Variants in ECM2 observed in about 807,000 individuals in gnomAD.
The protein encoded by ECM2 is extracellular matrix protein 2.
A neutral mutation model predicts 67.5 loss-of-function variants in ECM2; 57 were observed. The ratio of observed to expected loss-of-function variants is 0.84; its 90% confidence interval spans 0.68 to 1.05. The LOEUF is 1.05. ECM2 is among the 50% of genes least tolerant of loss of function. ECM2 has a pLI of 0.00. For synonymous variants in ECM2, 258 were observed against 294.5 expected (o/e 0.88, Z 1.27); for missense variants, 741 against 822.8 (o/e 0.90, Z 1.22).
intron 5 of ECM2, among the ~76,000 whole-genome samples, chr9:92,510,840 TAGA>T (rs375743281): frequency 6.8e-4 from 104 of 152,318 alleles, no homozygotes; most frequent in African/African-American, 2.4e-3. Flanking sequence ...AGCCATTTTC[TAGA>T]AGAAGGATGG....
intron 2 of ECM2, among the ~76,000 whole-genome samples, chr9:92,519,521 T>C (rs1164842216): frequency 6.6e-6 from 1 of 152,148 alleles, no homozygotes; most frequent in Non-Finnish European, 1.5e-5. Flanking sequence ...TTATGAACAA[T>C]TGATTTTCAA....
the ECM2 span, among the ~76,000 whole-genome samples, chr9:92,545,500 G>A: frequency 6.6e-6 from 1 of 151,620 alleles, no homozygotes; most frequent in East Asian, 2.0e-4. Flanking sequence ...GCAGGGCTCC[G>A]GACCTGCAGC....
At chr9:92,550,312 CT>C in the ECM2 span, among the ~76,000 whole-genome samples, 1 of 151,740 alleles carries the variant, frequency 6.6e-6, no homozygotes, top group African/African-American at 2.4e-5. Flanking sequence ...AGGAGAGTCA[CT>C]TGAACCCAGG....
chr9:92,525,673 C>T (rs1469953637), intron 1 of ECM2, among the ~76,000 whole-genome samples: 3 of 152,030 alleles, frequency 2.0e-5, no homozygotes, highest in Non-Finnish European at 2.9e-5. Flanking sequence ...GGTGGATCAC[C>T]TGAGGTCAGG....
chr9:92,500,817 A>T lies in ECM2; in HGVS notation c.1841T>A (p.Phe614Tyr). ...YGAYHSLRELFLDHNDLKSIP... is the reference protein window; with the variant it reads ...YGAYHSLRELYLDHNDLKSIP... ...AGATTTTAAGTCATTGTGATCCAGA[A>T]ATAATTCTCTCAGAGAATGATATGC... The change falls in exon 9 of 10, where the codon TTT becomes TAT. Residue 614 changes from phenylalanine to tyrosine, a missense_variant. By Grantham distance (22) the Phe-to-Tyr change is conservative. Coordinates refer to ENST00000344604, the MANE Select transcript of ECM2 (RefSeq NM_001393.4). 1.2e-6 allele frequency: 2 copies of T among 1,614,210 alleles called. No homozygotes were observed. Among genetic ancestry groups the T allele is most frequent in the Non-Finnish European group, 1.7e-6 (2 of 1,180,026 alleles).
chr9:92,557,370 T>C, the ECM2 span, among the ~76,000 whole-genome samples: 2 of 152,360 alleles, frequency 1.3e-5, no homozygotes, highest in South Asian at 4.1e-4. Context: ...TCTGGCTCTC[T>C]AGCTAGGCTG....
intron 1 of ECM2, among the ~76,000 whole-genome samples, chr9:92,534,808 A>G (rs934910815): frequency 6.6e-6 from 1 of 152,212 alleles, no homozygotes; most frequent in Non-Finnish European, 1.5e-5. Context: ...TGGATATCAT[A>G]AGTGCTCTGC....
intron 1 of ECM2, among the ~76,000 whole-genome samples, chr9:92,523,503 A>G (rs1000513761): frequency 6.6e-6 from 1 of 152,192 alleles, no homozygotes; most frequent in African/African-American, 2.4e-5. Flanking sequence ...GATGGGAGCC[A>G]GGGGGCCAGT....
intron 5 of ECM2, 24 bp from the exon 6 acceptor site, chr9:92,510,058 A>T: frequency 6.3e-7 from 1 of 1,583,634 alleles, no homozygotes; most frequent in Non-Finnish European, 8.5e-7. Context: ...TCTCAAAGTT[A>T]CTTTTTTATC....
the ECM2 span, among the ~76,000 whole-genome samples, chr9:92,551,972 T>C: frequency 3.2e-5 from 2 of 61,934 alleles, no homozygotes; most frequent in East Asian, 4.8e-4. Flanking sequence ...ATGTGTGATA[T>C]ATATGTGTGT....
At chr9:92,500,192 CTT>C (rs368245554) in intron 9 of ECM2, among the ~76,000 whole-genome samples, 31 of 151,836 alleles carry the variant, frequency 2.0e-4, no homozygotes, top group Non-Finnish European at 3.7e-4. Context: ...ATCTGTTAAT[CTT>C]TTTTTTGAGA....
intron 2 of ECM2, among the ~76,000 whole-genome samples, chr9:92,521,381 A>G (rs1026516319): frequency 6.6e-6 from 1 of 152,192 alleles, no homozygotes; most frequent in Non-Finnish European, 1.5e-5. Context: ...TATTATTACA[A>G]TGTTTTTAAG....
chr9:92,547,493 C>A, the ECM2 span, among the ~76,000 whole-genome samples: 1 of 152,228 alleles, frequency 6.6e-6, no homozygotes, highest in Non-Finnish European at 1.5e-5. Context: ...GTCATACTGA[C>A]ACATGCTGAA....
chr9:92,534,344 C>G (rs750781921), intron 1 of ECM2, among the ~76,000 whole-genome samples: 2 of 152,208 alleles, frequency 1.3e-5, no homozygotes, highest in Non-Finnish European at 1.5e-5. Context: ...ATAACTTCAT[C>G]TGCCAGAATC....
chr9:92,535,871 T>C (rs573422748), intron 1 of ECM2, 62 bp downstream of exon 1: 124 of 412,258 alleles, frequency 3.0e-4, no homozygotes, highest in African/African-American at 2.5e-3. Context: ...TGAAATAAAA[T>C]ACCCAAATAT....
upstream of ECM2, chr9:92,536,573 G>A (rs1849175590): frequency 6.5e-6 from 1 of 152,768 alleles, no homozygotes; most frequent in South Asian, 2.1e-4. Flanking sequence ...AAGAAAATGT[G>A]AAAGGGAGCT....
chr9:92,495,805 A>C lies in ECM2; in HGVS notation c.*510T>G. The C allele has an allele frequency of 2.1e-6, 2 of 952,622 alleles. No individual in the cohort carries two copies. Among genetic ancestry groups the C allele is most frequent in the Non-Finnish European group, 2.5e-6 (2 of 800,060 alleles). 59.0% of individuals were successfully genotyped at this position (952,622 alleles called of 1,614,324 possible). A position where few individuals can be genotyped will look rare whatever the true frequency, so the allele number is the denominator to read the frequency against. ...AGAAATGAAAGCTACCCCAATATTC[A>C]GTTATATTTATACCAGTAATTATAG... On this transcript the variant is annotated 3_prime_UTR_variant, in exon 10 of 10. Coordinates refer to ENST00000344604, the MANE Select transcript of ECM2 (RefSeq NM_001393.4).
chr9:92,497,224 G>T (rs1008595152), intron 9 of ECM2, among the ~76,000 whole-genome samples: 1 of 152,104 alleles, frequency 6.6e-6, no homozygotes, highest in Non-Finnish European at 1.5e-5. Flanking sequence ...CTATCAATAC[G>T]GAACTGATTG....
chr9:92,502,116 T>G (rs924270239), intron 8 of ECM2, among the ~76,000 whole-genome samples: 2 of 152,150 alleles, frequency 1.3e-5, no homozygotes, highest in African/African-American at 4.8e-5. Flanking sequence ...TGCAGGGGAA[T>G]AATCCTTCAT....
Sources: allele counts gnomAD v4.1 joint callset (sites outside exome capture counted in the v4.1 genomes callset), GRCh38; gene constraint gnomAD v4.1.1; transcripts MANE v1.5; gene names NCBI Gene and HGNC (gene_info 2026-07-23, HGNC 2026-07-21).